Variants in ENTREP2 observed in about 807,000 individuals in gnomAD.
ENTREP2 encodes the protein endosomal transmembrane epsin interactor 2.
chr15:29,407,628 C>G, the ENTREP2 span, among the ~76,000 whole-genome samples: 2 of 152,112 alleles, frequency 1.3e-5, no homozygotes, highest in East Asian at 3.9e-4. Context: ...GACCTGGGTC[C>G]AAGAAGGACA....
At chr15:29,527,953 A>G in the ENTREP2 span, among the ~76,000 whole-genome samples, 2 of 152,104 alleles carry the variant, frequency 1.3e-5, no homozygotes, top group African/African-American at 4.8e-5. Context: ...CACTCCAGCA[A>G]CACACCAGTG....
At chr15:29,319,866 T>G in the ENTREP2 span, among the ~76,000 whole-genome samples, 2 of 152,196 alleles carry the variant, frequency 1.3e-5, no homozygotes, top group Admixed American at 6.5e-5. Flanking sequence ...CAAGTGAGAC[T>G]GCTGGGGCTG....
chr15:29,351,813 T>C, the ENTREP2 span, among the ~76,000 whole-genome samples: 1 of 146,294 alleles, frequency 6.8e-6, no homozygotes, highest in Non-Finnish European at 1.5e-5. Context: ...ACAGCTTTTT[T>C]ATTTTTTTTT....
the ENTREP2 span, among the ~76,000 whole-genome samples, chr15:29,404,570 T>G: frequency 6.6e-6 from 1 of 150,998 alleles, no homozygotes; most frequent in Non-Finnish European, 1.5e-5. Flanking sequence ...CCTCCCCCAC[T>G]CACACTCCCC....
At chr15:29,127,391 G>T in the ENTREP2 span, among the ~76,000 whole-genome samples, 3 of 152,266 alleles carry the variant, frequency 2.0e-5, no homozygotes, top group East Asian at 5.8e-4. Context: ...TCCTCCAGGC[G>T]TGGGGGCTTT....
the ENTREP2 span, among the ~76,000 whole-genome samples, chr15:29,129,564 A>T: frequency 3.3e-5 from 5 of 151,656 alleles, no homozygotes. Flanking sequence ...CTCACTGCAG[A>T]CTCGAACTCC....
At chr15:29,619,775 T>C in the ENTREP2 span, among the ~76,000 whole-genome samples, 1 of 152,000 alleles carries the variant, frequency 6.6e-6, no homozygotes, top group South Asian at 2.1e-4. Flanking sequence ...GGCCATCCCC[T>C]GATCTCATCA....
chr15:29,557,939 G>C, the ENTREP2 span, among the ~76,000 whole-genome samples: 1 of 152,202 alleles, frequency 6.6e-6, no homozygotes, highest in East Asian at 1.9e-4. Context: ...AATGGGTAAA[G>C]TGACAATTTT....
the ENTREP2 span, chr15:29,124,640 C>A: frequency 6.6e-7 from 1 of 1,505,778 alleles, no homozygotes; most frequent in African/African-American, 1.4e-5. Flanking sequence ...ACCCGCCCCA[C>A]CTCCCAGCAG....
chr15:29,214,690 T>TTA, the ENTREP2 span, among the ~76,000 whole-genome samples: 3 of 141,712 alleles, frequency 2.1e-5, no homozygotes, highest in East Asian at 2.0e-4. Flanking sequence ...AGTATAATAA[T>TTA]AAAAAAAAAA....
chr15:29,373,635 T>G, the ENTREP2 span: 2 of 152,134 alleles, frequency 1.3e-5, no homozygotes, highest in Admixed American at 1.3e-4. Context: ...TCTTTTATTT[T>G]TATTTTTATT....
the ENTREP2 span, among the ~76,000 whole-genome samples, chr15:29,322,317 T>C: frequency 6.6e-6 from 1 of 152,214 alleles, no homozygotes; most frequent in Non-Finnish European, 1.5e-5. Context: ...TTTTCAAGAA[T>C]ACACTACATT....
chr15:29,171,634 C>T, the ENTREP2 span, among the ~76,000 whole-genome samples: 9 of 152,034 alleles, frequency 5.9e-5, no homozygotes, highest in Middle Eastern at 3.4e-3. Context: ...TAGCAATACC[C>T]GATTAGCAAT....
chr15:29,559,931 A>G, the ENTREP2 span, among the ~76,000 whole-genome samples: 1 of 152,200 alleles, frequency 6.6e-6, no homozygotes, highest in Non-Finnish European at 1.5e-5. Context: ...CAACCTACCC[A>G]GCTTTGCTAG....
the ENTREP2 span, among the ~76,000 whole-genome samples, chr15:29,291,597 A>G: frequency 6.6e-6 from 1 of 152,182 alleles, no homozygotes; most frequent in Admixed American, 6.5e-5. Flanking sequence ...AGCTCTCAGC[A>G]TGGTGGATAA....
At chr15:29,386,751 T>C in the ENTREP2 span, among the ~76,000 whole-genome samples, 2 of 152,154 alleles carry the variant, frequency 1.3e-5, no homozygotes, top group Non-Finnish European at 2.9e-5. Flanking sequence ...GAAAGCGAGC[T>C]CTCACGCTCT....
the ENTREP2 span, among the ~76,000 whole-genome samples, chr15:29,532,888 A>T: frequency 2.6e-5 from 4 of 152,226 alleles, no homozygotes; most frequent in Admixed American, 1.3e-4. Context: ...AATATAAAGC[A>T]TTAAATAGCA....
the ENTREP2 span, among the ~76,000 whole-genome samples, chr15:29,582,217 T>C: frequency 6.6e-6 from 1 of 152,182 alleles, no homozygotes; most frequent in Non-Finnish European, 1.5e-5. Flanking sequence ...AATAACTGTT[T>C]CAACAAATGG....
chr15:29,635,037 G>A, the ENTREP2 span, among the ~76,000 whole-genome samples: 4 of 152,118 alleles, frequency 2.6e-5, no homozygotes, highest in Admixed American at 1.3e-4. Context: ...TAGAGACGGG[G>A]TTTCACCGTG....
Sources: allele counts gnomAD v4.1 joint callset (sites outside exome capture counted in the v4.1 genomes callset), GRCh38; gene constraint gnomAD v4.1.1; transcripts MANE v1.5; gene names NCBI Gene and HGNC (gene_info 2026-07-23, HGNC 2026-07-21).